RAPGEF2: variants seen among roughly 807,000 people sequenced by gnomAD.
RAPGEF2 encodes the protein PDZ domain containing guanine nucleotide exchange factor (GEF) 1.
A neutral mutation model predicts 186.7 loss-of-function variants in RAPGEF2; 54 were observed. That is an observed-to-expected ratio of 0.29 (90% CI 0.23 to 0.36). The LOEUF is 0.36. Among genes scored for constraint, RAPGEF2 ranks in the 10% least tolerant of loss-of-function variants. RAPGEF2 has a pLI of 1.00. For missense variants in RAPGEF2, 1,532 were observed against 2,045.0 expected (o/e 0.75, Z 4.84); for synonymous variants, 712 against 705.9 (o/e 1.01, Z -0.14).
intron 1 of RAPGEF2, among the ~76,000 whole-genome samples, chr4:159,171,716 G>A (rs1450109598): frequency 1.3e-5 from 2 of 151,972 alleles, no homozygotes; most frequent in African/African-American, 4.8e-5. Context: ...CATGGGATAG[G>A]GTCAAAATAC....
At chr4:159,151,873 G>T (rs891677624) in intron 1 of RAPGEF2, among the ~76,000 whole-genome samples, 4 of 152,290 alleles carry the variant, frequency 2.6e-5, no homozygotes, top group African/African-American at 9.6e-5. Context: ...AAGGGCATTG[G>T]TAGGAGACAG....
At chr4:159,170,818 A>G (rs1745836512) in intron 1 of RAPGEF2, among the ~76,000 whole-genome samples, 1 of 152,010 alleles carries the variant, frequency 6.6e-6, no homozygotes, top group African/African-American at 2.4e-5. Flanking sequence ...GTTTTCTACT[A>G]TTAGTTTTAC....
intron 3 of RAPGEF2, among the ~76,000 whole-genome samples, chr4:159,208,353 A>G (rs1750177440): frequency 1.3e-5 from 2 of 152,374 alleles, no homozygotes; most frequent in South Asian, 4.1e-4. Context: ...TGCAACGTGC[A>G]TATGGTTCAT....
At chr4:159,252,819 A>T (rs1034582316) in intron 7 of RAPGEF2, among the ~76,000 whole-genome samples, 5 of 152,168 alleles carry the variant, frequency 3.3e-5, no homozygotes, top group South Asian at 2.1e-4. Flanking sequence ...TCTAAAAAAA[A>T]TTTTTGGCTC....
chr4:159,248,696 A>G (rs567875387), intron 7 of RAPGEF2, among the ~76,000 whole-genome samples: 2 of 152,362 alleles, frequency 1.3e-5, no homozygotes, highest in South Asian at 2.1e-4. Context: ...GATTTAATTT[A>G]TACGGATTGG....
At chr4:159,195,216 T>C (rs1242797213) in intron 3 of RAPGEF2, among the ~76,000 whole-genome samples, 2 of 152,246 alleles carry the variant, frequency 1.3e-5, no homozygotes, top group East Asian at 1.9e-4. Flanking sequence ...AACATACTTA[T>C]TCCCAGAAGA....
In RAPGEF2 at chr4:159,331,944, C is replaced by G; in HGVS notation, c.1798C>G (p.Gln600Glu). 6.2e-7 allele frequency: 1 copy of G among 1,604,254 alleles called. No homozygotes were observed. The highest frequency in any genetic ancestry group is 8.5e-7 in the Non-Finnish European group (1 of 1,177,174). The change falls in exon 16 of 30, where the codon CAA (glutamine) becomes GAA (glutamate). Residue 600 changes from glutamine (Q) to glutamate (E), a missense_variant. Around this residue, in one of 4 missense-constraint regions of RAPGEF2, gnomAD observed 810 missense variants for 1,210.5 expected, o/e 0.67. Coordinates refer to ENST00000691494, the MANE Select transcript of RAPGEF2 (RefSeq NM_001394067.2). ...RGDQILEVNG[Q>E]NFENIQLSKA... is the part of the protein sequence containing the mutation. ...TTTTTAGATATTAGAAGTAAATGGC[C>G]AAAACTTTGAAAACATTCAGCTGTC...
At chr4:159,153,442 A>G (rs1357799456) in intron 1 of RAPGEF2, among the ~76,000 whole-genome samples, 1 of 152,224 alleles carries the variant, frequency 6.6e-6, no homozygotes, top group Non-Finnish European at 1.5e-5. Flanking sequence ...ACTCTGTGGA[A>G]AAGAAAAATG....
At chr4:159,271,280 A>T (rs1463309856) in intron 7 of RAPGEF2, among the ~76,000 whole-genome samples, 1 of 152,184 alleles carries the variant, frequency 6.6e-6, no homozygotes, top group South Asian at 2.1e-4. Flanking sequence ...ATTTGGTGCT[A>T]TCAAACTGAT....
chr4:159,152,119 C>A (rs770870176), intron 1 of RAPGEF2, among the ~76,000 whole-genome samples: 2 of 152,110 alleles, frequency 1.3e-5, no homozygotes, highest in African/African-American at 4.8e-5. Context: ...CTCAGGAGTT[C>A]GAGACCAGCC....
At chr4:159,355,151 C>A (rs1731785604) in intron 28 of RAPGEF2, among the ~76,000 whole-genome samples, 1 of 152,058 alleles carries the variant, frequency 6.6e-6, no homozygotes, top group Admixed American at 6.5e-5. Flanking sequence ...TAGTTCCTAA[C>A]AATTGAGTTT....
At chr4:159,216,241 G>A (rs968633110) in intron 4 of RAPGEF2, among the ~76,000 whole-genome samples, 4 of 152,038 alleles carry the variant, frequency 2.6e-5, no homozygotes. Context: ...TATCTGCTTG[G>A]GGCGATGAGG....
intron 1 of RAPGEF2, among the ~76,000 whole-genome samples, chr4:159,129,867 A>G (rs545021742): frequency 6.6e-6 from 1 of 152,318 alleles, no homozygotes; most frequent in African/African-American, 2.4e-5. Flanking sequence ...GTTTATTAAG[A>G]AAGTATGGGA....
At chr4:159,148,827 T>C (rs574193694) in intron 1 of RAPGEF2, among the ~76,000 whole-genome samples, 17 of 152,344 alleles carry the variant, frequency 1.1e-4, no homozygotes, top group South Asian at 2.1e-4. Context: ...TATGAACATA[T>C]TTGTTTTATG....
At chr4:159,250,480 A>G (rs1755182745) in intron 7 of RAPGEF2, among the ~76,000 whole-genome samples, 1 of 152,156 alleles carries the variant, frequency 6.6e-6, no homozygotes, top group Non-Finnish European at 1.5e-5. Context: ...TACAAAGGGA[A>G]ATATTTGAGG....
chr4:159,226,658 C>T (rs1260917179), intron 4 of RAPGEF2, among the ~76,000 whole-genome samples: 2 of 152,114 alleles, frequency 1.3e-5, no homozygotes, highest in Non-Finnish European at 2.9e-5. Context: ...GTTAAGTTCC[C>T]TTTGGTAGTT....
At chr4:159,217,885 A>G (rs1751136162) in intron 4 of RAPGEF2, among the ~76,000 whole-genome samples, 1 of 152,014 alleles carries the variant, frequency 6.6e-6, no homozygotes, top group Non-Finnish European at 1.5e-5. Context: ...TGTGGCTTTG[A>G]TTTGCATTTC....
rs757939046 is a variant in RAPGEF2, at chr4:159,338,307, T to G, written c.2136-4T>G. ...ATAATTTTCTAATTTTCCTCTTTGTTCAGTGATATTGGGATTGGTCAGTCT... is the reference window on the plus strand; with the variant it reads ...ATAATTTTCTAATTTTCCTCTTTGTGCAGTGATATTGGGATTGGTCAGTCT... On this transcript the variant is annotated splice_polypyrimidine_tract_variant and splice_region_variant and intron_variant, in intron 17 of 29. Coordinates refer to ENST00000691494, the MANE Select transcript of RAPGEF2 (RefSeq NM_001394067.2). 2 of 1,602,398 alleles carry G rather than the reference T, an allele frequency of 1.2e-6. No homozygotes were observed. The highest frequency in any genetic ancestry group is 2.2e-5 in the South Asian group (2 of 89,448).
intron 7 of RAPGEF2, among the ~76,000 whole-genome samples, chr4:159,301,122 C>G (rs923993445): frequency 3.3e-5 from 5 of 152,288 alleles, no homozygotes; most frequent in Admixed American, 2.6e-4. Flanking sequence ...CCTGTAATCC[C>G]AGCACTTTAG....
Sources: allele counts gnomAD v4.1 joint callset (sites outside exome capture counted in the v4.1 genomes callset), GRCh38; gene constraint gnomAD v4.1.1; regional missense constraint gnomAD v4.1.1; transcripts MANE v1.5; gene names NCBI Gene and HGNC (gene_info 2026-07-23, HGNC 2026-07-21).